LRP2: variants seen among roughly 807,000 people sequenced by gnomAD.
LRP2 encodes the protein low-density lipoprotein receptor-related protein 2.
In LRP2, 172 loss-of-function variants were observed where a neutral mutation model predicts 531.0. The ratio of observed to expected loss-of-function variants is 0.32; its 90% confidence interval spans 0.29 to 0.37. The LOEUF (loss-of-function observed/expected upper bound fraction) is 0.37, where lower values mean the gene tolerates loss of function less well. Among genes scored for constraint, LRP2 ranks in the 10% least tolerant of loss-of-function variants. The pLI, the probability that LRP2 is intolerant of heterozygous loss-of-function variation, is 1.00. For missense variants in LRP2, 5,167 were observed against 5,868.3 expected (o/e 0.88, Z 3.90); for synonymous variants, 1,992 against 2,027.6 (o/e 0.98, Z 0.47).
intron 30 of LRP2, among the ~76,000 whole-genome samples, chr2:169,232,811 G>A (rs1225216385): frequency 6.6e-6 from 1 of 152,172 alleles, no homozygotes; most frequent in Non-Finnish European, 1.5e-5. Flanking sequence ...ACAGCGAGTG[G>A]GAGAAGAGAG....
At chr2:169,216,945 A>T (rs1481263100) in intron 34 of LRP2, among the ~76,000 whole-genome samples, 1 of 152,208 alleles carries the variant, frequency 6.6e-6, no homozygotes, top group African/African-American at 2.4e-5. Flanking sequence ...TGACACAGAA[A>T]ATAGGAGAAA....
In LRP2 at chr2:169,265,782, A is replaced by G. The variant is rs1053627397; in HGVS notation, c.2320+5122T>C. On this transcript the variant is annotated intron_variant, in intron 16 of 78. Coordinates refer to ENST00000649046, the MANE Select transcript of LRP2 (RefSeq NM_004525.3). ...GTAACTTGTTTCAGCAAAATGAGGA[A>G]ATAAATCTAGAAAAAGAAATAAATG... Among the ~76,000 whole-genome samples the G allele has an allele frequency of 3.3e-5, 5 of 152,076 alleles. No homozygotes were observed. The South Asian group carries it at 8.3e-4, about 25-fold the overall frequency.
chr2:169,212,186 C>T lies in LRP2; in HGVS notation c.6062G>A (p.Gly2021Asp). ...HRRNAAESSN[G>D]CSNNMNACQQ... ...ACAGGCATTCATGTTGTTGCTACAG[C>T]CATTTGAGGATTCGGCGGCATCTAA... The change falls in exon 37 of 79, where the codon GGC becomes GAC. Residue 2021 changes from glycine to aspartate, a missense_variant. Transcript: ENST00000649046. 8 of 1,614,044 alleles carry T rather than the reference C, an allele frequency of 5.0e-6. No individual in the cohort carries two copies. The South Asian group carries it at 8.8e-5, about 18-fold the overall frequency.
intron 48 of LRP2, among the ~76,000 whole-genome samples, chr2:169,189,687 T>G (rs1456924024): frequency 2.0e-5 from 3 of 152,188 alleles, no homozygotes; most frequent in Non-Finnish European, 4.4e-5. Flanking sequence ...GGGAGCACAC[T>G]TTCTGCCAAG....
intron 67 of LRP2, 76 bp downstream of exon 67, chr2:169,152,723 A>T: frequency 6.6e-7 from 1 of 1,524,232 alleles, no homozygotes; most frequent in Non-Finnish European, 9.1e-7. Context: ...AGACTCACTC[A>T]TGGCCCATGG....
At chr2:169,220,278 T>C (rs1329875100) in intron 34 of LRP2, among the ~76,000 whole-genome samples, 176 bp downstream of exon 34, 3 of 152,238 alleles carry the variant, frequency 2.0e-5, no homozygotes, top group Non-Finnish European at 4.4e-5. Context: ...AACAATATCC[T>C]GCACATTAAA....
At chr2:169,197,097 T>C (rs1688030357) in intron 45 of LRP2, 67 bp from the exon 46 acceptor site, 7 of 1,579,002 alleles carry the variant, frequency 4.4e-6, no homozygotes, top group East Asian at 2.2e-5. Flanking sequence ...GTCTTAACAA[T>C]CTGCCTCTAT....
chr2:169,273,071 G>A lies in LRP2; in HGVS notation c.1976-4C>T, dbSNP rs748049143. The A allele has an allele frequency of 4.3e-6, 7 of 1,613,374 alleles. No homozygotes were observed. Among genetic ancestry groups the A allele is most frequent in the African/African-American group, 1.3e-5 (1 of 74,860 alleles). On this transcript the variant is annotated splice_polypyrimidine_tract_variant and splice_region_variant and intron_variant, in intron 14 of 78. Coordinates refer to ENST00000649046, the MANE Select transcript of LRP2 (RefSeq NM_004525.3). ...TTATCTTTACACGGATTGGTAGCTG[G>A]AAGGAAAAATGCACAGGGTTAAATT...
rs13415407 is a variant in LRP2 at position 169,231,969 on chromosome 2, T to C, written c.5099-127A>G. 1.5e-3 allele frequency: 1,610 copies of C among 1,108,284 alleles called. 10 individuals are homozygous for C. The African/African-American group carries it at 0.016, about 11-fold the overall frequency. The allele number at this position is 1,108,284 out of a possible 1,614,324, so 68.7% of individuals were successfully genotyped here. A position where few individuals can be genotyped will look rare whatever the true frequency, so the allele number is the denominator to read the frequency against. ...GGGGGCTTAAGTACGTTGTTACCTC[T>C]GTTGTTTTCTTTTGTTTTGTTTTCA... On this transcript the variant is annotated intron_variant, in intron 30 of 78. Coordinates refer to ENST00000649046, the MANE Select transcript of LRP2 (RefSeq NM_004525.3).
At chr2:169,305,411 G>T (rs1477926436) in intron 4 of LRP2, among the ~76,000 whole-genome samples, 1 of 152,174 alleles carries the variant, frequency 6.6e-6, no homozygotes, top group African/African-American at 2.4e-5. Flanking sequence ...ATATTGGGAA[G>T]TTTAGCAAAA....
At chr2:169,289,578 A>T (rs1039748717) in intron 8 of LRP2, among the ~76,000 whole-genome samples, 3 of 152,114 alleles carry the variant, frequency 2.0e-5, no homozygotes, top group African/African-American at 7.2e-5. Context: ...AAAGAAAAGA[A>T]AAAGCTCCTT....
intron 1 of LRP2, among the ~76,000 whole-genome samples, chr2:169,328,574 TC>T (rs1204085673): frequency 6.6e-6 from 1 of 151,850 alleles, no homozygotes; most frequent in African/African-American, 2.4e-5. Context: ...AAATTAAATA[TC>T]CATGCAATAA....
intron 63 of LRP2, among the ~76,000 whole-genome samples, chr2:169,159,213 A>T (rs183035801): frequency 6.6e-6 from 1 of 152,188 alleles, no homozygotes; most frequent in African/African-American, 2.4e-5. Flanking sequence ...TCCTGGTCAT[A>T]GGCTTCTGAG....
intron 16 of LRP2, among the ~76,000 whole-genome samples, chr2:169,264,039 T>A (rs1237027560): frequency 1.3e-5 from 2 of 152,066 alleles, no homozygotes; most frequent in African/African-American, 2.4e-5. Flanking sequence ...AGGTGGGAAT[T>A]GAACAATGAG....
chr2:169,174,754 C>A (rs190295115), intron 55 of LRP2, among the ~76,000 whole-genome samples: 10 of 150,500 alleles, frequency 6.6e-5, no homozygotes, highest in Middle Eastern at 7.1e-3. Context: ...AAGCGATCGA[C>A]CTGCCTCAGC....
intron 70 of LRP2, among the ~76,000 whole-genome samples, 169 bp downstream of exon 70, chr2:169,145,578 T>C (rs1685876808): frequency 6.6e-6 from 1 of 152,232 alleles, no homozygotes; most frequent in South Asian, 2.1e-4. Context: ...TTGGTGAAAA[T>C]GGTTAAAACG....
chr2:169,166,014 G>A lies in LRP2; in HGVS notation c.11676C>T (p.Asp3892=), dbSNP rs1315434664. 1 of 1,613,896 alleles carries A rather than the reference G, an allele frequency of 6.2e-7. No individual in the cohort carries two copies. The highest frequency in any genetic ancestry group is 1.3e-5 in the African/African-American group (1 of 74,900). Residue 3892 remains aspartate, a synonymous_variant, in exon 62 of 79, where the codon GAC becomes GAT. Transcript: ENST00000649046. ...PCNSPNRFRC[D]NNRCIYSHEV... ...CATGACTATAAATGCAGCGATTGTT[G>A]TCACACCGGAAACGGTTTGGTGAAT...
chr2:169,331,328 T>C (rs1685259870), intron 1 of LRP2, among the ~76,000 whole-genome samples: 1 of 151,404 alleles, frequency 6.6e-6, no homozygotes, highest in Non-Finnish European at 1.5e-5. Context: ...TGACAATCAC[T>C]TAAGCGCTCA....
At chr2:169,205,411 T>C in intron 41 of LRP2, 68 bp downstream of exon 41, 1 of 1,540,292 alleles carries the variant, frequency 6.5e-7, no homozygotes, top group Non-Finnish European at 9.0e-7. Flanking sequence ...ATGATGCAAA[T>C]CCCTCTTCTT....
Sources: gnomAD v4.1 joint callset for allele counts (sites outside exome capture counted in the v4.1 genomes callset) on GRCh38, gnomAD v4.1.1 for gene constraint, MANE v1.5 for transcripts, NCBI Gene and HGNC (gene_info 2026-07-23, HGNC 2026-07-21) for gene names.